Variants in ABRA observed in about 807,000 individuals in gnomAD.
ABRA encodes the protein actin binding Rho activating protein.
Under a neutral mutation model 33.4 loss-of-function variants are expected in ABRA, and 25 were observed. That is an observed-to-expected ratio of 0.75 (90% CI 0.55 to 1.04). The LOEUF is 1.04. ABRA is among the 50% of genes least tolerant of loss of function. The pLI is 0.00. For missense variants in ABRA, 501 were observed against 491.7 expected (o/e 1.02, Z -0.18); for synonymous variants, 193 against 176.8 (o/e 1.09, Z -0.73).
chr8:106,765,856 T>C (rs1408840977), intron 1 of ABRA, among the ~76,000 whole-genome samples: 2 of 152,110 alleles, frequency 1.3e-5, no homozygotes, highest in African/African-American at 4.8e-5. Flanking sequence ...ACTTTGGGAG[T>C]CATTAGGATT....
At chr8:106,768,066 G>A (rs1221885429) in intron 1 of ABRA, among the ~76,000 whole-genome samples, 1 of 149,928 alleles carries the variant, frequency 6.7e-6, no homozygotes, top group East Asian at 1.9e-4. Context: ...CTGTACTCCA[G>A]CCTGGGCAAC....
intron 1 of ABRA, among the ~76,000 whole-genome samples, chr8:106,769,301 G>A (rs571351091): frequency 1.1e-4 from 16 of 152,238 alleles, no homozygotes; most frequent in African/African-American, 3.1e-4. Context: ...AAACAAAAAC[G>A]AGAAACAAAA....
chr8:106,766,441 A>G (rs548572459), intron 1 of ABRA, among the ~76,000 whole-genome samples: 2 of 152,096 alleles, frequency 1.3e-5, no homozygotes, highest in Non-Finnish European at 2.9e-5. Context: ...GGGTGCCTAT[A>G]ATTAAAAATA....
rs528652610 is a variant in ABRA, at chr8:106,767,959, G to A, written c.668+1564C>T. Among the ~76,000 whole-genome samples, 25 of 152,168 alleles carry A rather than the reference G, an allele frequency of 1.6e-4. No homozygotes were observed. In the South Asian group the frequency reaches 4.4e-3, roughly 27 times the overall value. ...AAAATACAAAAATTAGCTGGGCGTG[G>A]TGGTGTGCACCTGTAATCCCAGCTA... On this transcript the variant is annotated intron_variant, in intron 1 of 1. Transcript: ENST00000311955.
Position 106,761,520 on chromosome 8 carries a change from G to T in ABRA, c.669-6C>A, listed in dbSNP as rs760630690. On this transcript the variant is annotated splice_polypyrimidine_tract_variant and splice_region_variant and intron_variant, in intron 1 of 1. Coordinates refer to ENST00000311955, the MANE Select transcript of ABRA (RefSeq NM_139166.5). ...TCTCTGTAAATCTGTTTACCCTAAA[G>T]TAGAGAGAGGGTGAACAATCAAGAT... 1.2e-6 allele frequency: 2 copies of T among 1,604,156 alleles called. No individual in the cohort carries two copies. The highest frequency in any genetic ancestry group is 1.7e-6 in the Non-Finnish European group (2 of 1,173,922).
In ABRA at chr8:106,769,631, T is replaced by C; in HGVS notation, c.560A>G (p.Asp187Gly). The C allele has an allele frequency of 6.2e-7, 1 of 1,614,200 alleles. No homozygotes were observed. The highest frequency in any genetic ancestry group is 8.5e-7 in the Non-Finnish European group (1 of 1,180,040). ...GCCGCTGTCCTCTGTGTCTACGCTGTCACTCCTCCATGTGGGCTCCTCCTG... is the reference window on the plus strand; with the variant it reads ...GCCGCTGTCCTCTGTGTCTACGCTGCCACTCCTCCATGTGGGCTCCTCCTG... ...MEQEEPTWRS[D>G]SVDTEDSGYG... The change falls in exon 1 of 2, where the codon GAC becomes GGC. Residue 187 changes from aspartate to glycine, a missense_variant. Transcript: ENST00000311955.
At chr8:106,762,746 C>T (rs1836155993) in intron 1 of ABRA, among the ~76,000 whole-genome samples, 1 of 152,238 alleles carries the variant, frequency 6.6e-6, no homozygotes, top group Non-Finnish European at 1.5e-5. Flanking sequence ...ATAGGTGCAG[C>T]AAGCCACCAT....
intron 1 of ABRA, among the ~76,000 whole-genome samples, chr8:106,764,110 TTTCAC>T (rs1836175225): frequency 6.6e-6 from 1 of 152,212 alleles, no homozygotes; most frequent in African/African-American, 2.4e-5. Flanking sequence ...AGTTGGTTCT[TTTCAC>T]TTTTCAAAAT....
intron 1 of ABRA, among the ~76,000 whole-genome samples, chr8:106,767,119 C>T (rs1033107481): frequency 6.6e-6 from 1 of 152,160 alleles, no homozygotes; most frequent in African/African-American, 2.4e-5. Context: ...TCTTCATCTC[C>T]TTTCTCCATC....
At chr8:106,767,629 G>T (rs1323949438) in intron 1 of ABRA, among the ~76,000 whole-genome samples, 1 of 152,184 alleles carries the variant, frequency 6.6e-6, no homozygotes, top group Non-Finnish European at 1.5e-5. Context: ...TGAAATGAGT[G>T]AATAGCTACT....
chr8:106,764,396 GTAATCC>G, intron 1 of ABRA, among the ~76,000 whole-genome samples: 1 of 152,338 alleles, frequency 6.6e-6, no homozygotes. Context: ...GCTCACGCCT[GTAATCC>G]CAGCACTTGG....
rs888562382 is a variant in ABRA at position 106,759,695 on chromosome 8, A to G, written c.*1342T>C. The stretch of plus-strand genomic sequence containing the variant: ...GAAAGAGACTCATACATGAAAACAA[A>G]TATAATTCTTATAGCAGTCTAATAC... On this transcript the variant is annotated 3_prime_UTR_variant, in exon 2 of 2. Transcript: ENST00000311955. The G allele has an allele frequency of 6.6e-6, 1 of 152,224 alleles. No individual in the cohort carries two copies. The highest frequency in any genetic ancestry group is 1.5e-5 in the Non-Finnish European group (1 of 68,028). 9.4% of individuals were successfully genotyped at this position (152,224 alleles called of 1,614,324 possible). A position where few individuals can be genotyped will look rare whatever the true frequency, so the allele number is the denominator to read the frequency against.
At position 106,769,585 on chromosome 8, in the gene ABRA, C is replaced by A. The variant is rs754495756; in HGVS notation, c.606G>T (p.Glu202Asp). The change falls in exon 1 of 2, where the codon GAG becomes GAT. Residue 202 changes from glutamate (E) to aspartate (D), a missense_variant. By Grantham distance (45) the Glu-to-Asp change is conservative. Transcript: ENST00000311955. ...CCTGCACTCCATCCTGCTCGGGCCT[C>A]TCCTCAGCCTCTCCTCCATAGCCGC... Reference protein sequence around the residue: ...EDSGYGGEAEERPEQDGVQVA... With the variant: ...EDSGYGGEAEDRPEQDGVQVA... 1 of 1,614,230 alleles carries A rather than the reference C, an allele frequency of 6.2e-7. No homozygotes were observed. The highest frequency in any genetic ancestry group is 1.1e-5 in the South Asian group (1 of 91,088).
rs1810568621 is a variant in ABRA, at chr8:106,769,589, T to G, written c.602A>C (p.Glu201Ala). ...CACTCCATCCTGCTCGGGCCTCTCCTCAGCCTCTCCTCCATAGCCGCTGTC... is the reference window on the plus strand; with the variant it reads ...CACTCCATCCTGCTCGGGCCTCTCCGCAGCCTCTCCTCCATAGCCGCTGTC... ...TEDSGYGGEA[E>A]ERPEQDGVQV... is the part of the protein sequence containing the mutation. Residue 201 changes from glutamate to alanine, a missense_variant, in exon 1 of 2, where the codon GAG becomes GCG. Glu to Ala is a moderately radical substitution (Grantham distance 107). Transcript: ENST00000311955. 6.2e-7 allele frequency: 1 copy of G among 1,614,214 alleles called. No homozygotes were observed. The highest frequency in any genetic ancestry group is 8.5e-7 in the Non-Finnish European group (1 of 1,180,044).
rs1563780191 is a variant in ABRA, at chr8:106,761,377, A to G, written c.806T>C (p.Phe269Ser). The G allele has an allele frequency of 1.9e-6, 3 of 1,614,076 alleles. No homozygotes were observed. The highest frequency in any genetic ancestry group is 1.7e-5 in the Admixed American group (1 of 60,002). Residue 269 changes from phenylalanine to serine, a missense_variant, in exon 2 of 2, where the codon TTT becomes TCT. Transcript: ENST00000311955. Reference sequence around the variant, plus strand: ...GGTGGACATGGCCAGCTCGTAATCAAACTCTTCACTGAAAGGATTGAGCTT... The same window carrying G: ...GGTGGACATGGCCAGCTCGTAATCAGACTCTTCACTGAAAGGATTGAGCTT... ...SQKLNPFSEEFDYELAMSTRL... is the reference protein window; with the variant it reads ...SQKLNPFSEESDYELAMSTRL...
intron 1 of ABRA, among the ~76,000 whole-genome samples, chr8:106,767,442 G>A (rs964534722): frequency 6.6e-6 from 1 of 152,184 alleles, no homozygotes; most frequent in African/African-American, 2.4e-5. Flanking sequence ...AGTTACTTCT[G>A]ATCATGAACT....
At chr8:106,763,155 C>T (rs1836160903) in intron 1 of ABRA, among the ~76,000 whole-genome samples, 1 of 152,180 alleles carries the variant, frequency 6.6e-6, no homozygotes, top group African/African-American at 2.4e-5. Flanking sequence ...TCTGGTTACC[C>T]AAAGGCTGGA....
chr8:106,761,020 C>G lies in ABRA; in HGVS notation c.*17G>C, dbSNP rs745641736. ...TAAGACCATAGTGGGCCAAATTTGG[C>G]TTTTGTTTTTGAAGGTTCACTTGAG... On this transcript the variant is annotated 3_prime_UTR_variant, in exon 2 of 2. Transcript: ENST00000311955. 1 of 1,601,444 alleles carries G rather than the reference C, an allele frequency of 6.2e-7. No individual in the cohort carries two copies. The highest frequency in any genetic ancestry group is 1.7e-5 in the Admixed American group (1 of 59,490).
Position 106,760,854 on chromosome 8 carries a change from T to G in ABRA, c.*183A>C, listed in dbSNP as rs945155542. 6.4e-6 allele frequency: 4 copies of G among 622,400 alleles called. No individual in the cohort carries two copies. Among genetic ancestry groups the G allele is most frequent in the Admixed American group, 2.7e-5 (1 of 36,474 alleles). The allele number at this position is 622,400 out of a possible 1,614,324, so 38.6% of individuals were successfully genotyped here. ...TCTATGTGCTTTCTGAAATGCTTTG[T>G]GCCTTCTCAAAATCTCCAAAATTCC... is the stretch of plus-strand genomic sequence containing the variant. On this transcript the variant is annotated 3_prime_UTR_variant, in exon 2 of 2. Transcript: ENST00000311955.
Sources: allele counts gnomAD v4.1 joint callset (sites outside exome capture counted in the v4.1 genomes callset), GRCh38; gene constraint gnomAD v4.1.1; transcripts MANE v1.5; gene names NCBI Gene and HGNC (gene_info 2026-07-23, HGNC 2026-07-21).